Variants in AIG1 observed in about 807,000 individuals in gnomAD.
AIG1 encodes the protein androgen induced 1.
A neutral mutation model predicts 31.4 loss-of-function variants in AIG1; 23 were observed. That is an observed-to-expected ratio of 0.73 (90% CI 0.53 to 1.04). The LOEUF (loss-of-function observed/expected upper bound fraction) is 1.04, where lower values mean the gene tolerates loss of function less well. Among genes scored for constraint, AIG1 ranks in the 50% least tolerant of loss-of-function variants. The pLI is 0.00. For synonymous variants in AIG1, 100 were observed against 110.5 expected (o/e 0.90, Z 0.60); for missense variants, 274 against 295.0 (o/e 0.93, Z 0.52).
chr6:143,079,591 T>G (rs530394420), intron 1 of AIG1, among the ~76,000 whole-genome samples: 113 of 152,332 alleles, frequency 7.4e-4, no homozygotes, highest in African/African-American at 2.6e-3. Flanking sequence ...AGCCTACATA[T>G]GTTTTCAATA....
chr6:143,177,812 G>T (rs1337486313), intron 3 of AIG1, among the ~76,000 whole-genome samples: 1 of 152,204 alleles, frequency 6.6e-6, no homozygotes, highest in Non-Finnish European at 1.5e-5. Context: ...TGGACAGCTG[G>T]TCCTTGGGTC....
intron 1 of AIG1, among the ~76,000 whole-genome samples, chr6:143,105,139 A>G (rs769826559): frequency 2.0e-5 from 3 of 152,190 alleles, no homozygotes; most frequent in Non-Finnish European, 4.4e-5. Flanking sequence ...AGATCATAGC[A>G]TAGTAGTGAG....
At chr6:143,134,056 G>A (rs1783505847) in intron 1 of AIG1, among the ~76,000 whole-genome samples, 1 of 152,006 alleles carries the variant, frequency 6.6e-6, no homozygotes, top group Non-Finnish European at 1.5e-5. Flanking sequence ...ATTTGAAAGA[G>A]GCTAGCCAAC....
chr6:143,090,923 A>C (rs1779249238), intron 1 of AIG1, among the ~76,000 whole-genome samples: 1 of 152,198 alleles, frequency 6.6e-6, no homozygotes, highest in Admixed American at 6.5e-5. Flanking sequence ...CCCACAATAG[A>C]ACTTCTTTCA....
intron 1 of AIG1, among the ~76,000 whole-genome samples, chr6:143,072,242 A>G (rs1486074893): frequency 1.3e-5 from 2 of 152,160 alleles, no homozygotes; most frequent in Non-Finnish European, 2.9e-5. Flanking sequence ...TAGTGTATAG[A>G]CATATTTAAT....
chr6:143,149,276 C>G (rs936082551), intron 2 of AIG1, among the ~76,000 whole-genome samples: 3 of 152,004 alleles, frequency 2.0e-5, no homozygotes, highest in Non-Finnish European at 4.4e-5. Context: ...CCTGTAATCC[C>G]AGCACTTTGG....
intron 2 of AIG1, among the ~76,000 whole-genome samples, chr6:143,137,244 G>A (rs780582523): frequency 6.6e-6 from 1 of 152,094 alleles, no homozygotes; most frequent in South Asian, 2.1e-4. Context: ...TGCAGACAGC[G>A]CCTTCTGACT....
intron 1 of AIG1, among the ~76,000 whole-genome samples, chr6:143,074,651 A>G (rs1224170800): frequency 1.3e-5 from 2 of 152,198 alleles, no homozygotes; most frequent in African/African-American, 2.4e-5. Flanking sequence ...TTTGTAGTGT[A>G]ATTTAAAATA....
At chr6:143,126,157 C>T (rs1782668324) in intron 1 of AIG1, 1 of 152,208 alleles carries the variant, frequency 6.6e-6, no homozygotes, top group Non-Finnish European at 1.5e-5. Flanking sequence ...TAACCCGCTC[C>T]AAGGGTAGGA....
intron 3 of AIG1, among the ~76,000 whole-genome samples, chr6:143,274,673 GATGAATGA>G (rs71024847): frequency 0.042 from 6,421 of 151,762 alleles, 457 homozygotes; most frequent in African/African-American, 0.14. Flanking sequence ...GTATTTATTG[GATGAATGA>G]ATGAATGAAT....
chr6:143,114,405 G>T lies in AIG1; in HGVS notation c.142-22430G>T, dbSNP rs10452624. On this transcript the variant is annotated intron_variant, in intron 1 of 5. Transcript: ENST00000357847. ...CCTTAGCTTGCTGTTTTAGTTACAT[G>T]TTTTCAAGAAGTTCTCAGACGTATG... is the stretch of plus-strand genomic sequence containing the variant. Among the ~76,000 whole-genome samples, 314 of 152,272 alleles carry T rather than the reference G, an allele frequency of 2.1e-3. 6 individuals carry two copies. The highest frequency in any genetic ancestry group is 7.3e-3 in the African/African-American group (305 of 41,560).
intron 3 of AIG1, among the ~76,000 whole-genome samples, chr6:143,265,096 C>T (rs1796065112): frequency 6.6e-6 from 1 of 152,182 alleles, no homozygotes; most frequent in South Asian, 2.1e-4. Flanking sequence ...CCCAAAATCT[C>T]ATTACTTGTT....
intron 3 of AIG1, among the ~76,000 whole-genome samples, chr6:143,168,159 A>C (rs1787141718): frequency 2.0e-5 from 3 of 152,180 alleles, no homozygotes. Context: ...ATAACTATTA[A>C]TTTGTACTTG....
At chr6:143,170,245 T>A (rs190142904) in intron 3 of AIG1, among the ~76,000 whole-genome samples, 22 of 152,260 alleles carry the variant, frequency 1.4e-4, no homozygotes, top group Non-Finnish European at 3.1e-4. Flanking sequence ...ATACTTTTTA[T>A]TACTTATTCA....
In AIG1 at chr6:143,298,150, C is replaced by A. The variant is rs965429915; in HGVS notation, c.515+13925C>A. Among the ~76,000 whole-genome samples, 22 of 152,056 alleles carry A rather than the reference C, an allele frequency of 1.4e-4. 1 individual carries two copies. The highest frequency in any genetic ancestry group is 3.3e-4 in the Admixed American group (5 of 15,258). On this transcript the variant is annotated intron_variant, in intron 4 of 5. Coordinates refer to ENST00000357847, the MANE Select transcript of AIG1 (RefSeq NM_016108.4). The surrounding 1 kb of genome is among the most constrained non-coding windows in gnomAD (Gnocchi z 5.1). Reference sequence around the variant, plus strand: ...GTTTTCTACCTCTGCTGGAAGACTGCAACAAAGAAGTGACAATTCATTCAT... The same window carrying A: ...GTTTTCTACCTCTGCTGGAAGACTGAAACAAAGAAGTGACAATTCATTCAT...
chr6:143,120,770 G>T (rs572941687), intron 1 of AIG1, among the ~76,000 whole-genome samples: 1 of 152,334 alleles, frequency 6.6e-6, no homozygotes, highest in African/African-American at 2.4e-5. Flanking sequence ...GATGGATAGA[G>T]TTGTGTTGGG....
intron 4 of AIG1, among the ~76,000 whole-genome samples, chr6:143,315,642 A>C (rs1377155907): frequency 6.6e-6 from 1 of 152,158 alleles, no homozygotes; most frequent in East Asian, 1.9e-4. Flanking sequence ...ATCAAGTCAT[A>C]AATCTTACAC....
At chr6:143,098,845 A>C (rs1045087413) in intron 1 of AIG1, among the ~76,000 whole-genome samples, 3 of 151,994 alleles carry the variant, frequency 2.0e-5, no homozygotes, top group Admixed American at 6.6e-5. Flanking sequence ...TGGGTATCTC[A>C]TTTATTTGAA....
intron 1 of AIG1, among the ~76,000 whole-genome samples, chr6:143,130,133 G>T (rs890399670): frequency 2.0e-5 from 3 of 151,924 alleles, no homozygotes; most frequent in Admixed American, 2.0e-4. Flanking sequence ...GGTTCACCAT[G>T]TTGGCCAGGA....
Sources: gnomAD v4.1 joint callset for allele counts (sites outside exome capture counted in the v4.1 genomes callset) on GRCh38, gnomAD v4.1.1 for gene constraint, Gnocchi (gnomAD v3.1) non-coding constraint, MANE v1.5 for transcripts, NCBI Gene and HGNC (gene_info 2026-07-23, HGNC 2026-07-21) for gene names.